The following PMPCB variants were observed in gnomAD, a reference collection of about 807,000 sequenced individuals.
The protein encoded by PMPCB is peptidase, mitochondrial processing subunit beta, also known as mitochondrial-processing peptidase subunit beta.
PMPCB carries 46 observed loss-of-function variants against 61.5 expected under a neutral mutation model. That is an observed-to-expected ratio of 0.75 (90% CI 0.59 to 0.96). The LOEUF (loss-of-function observed/expected upper bound fraction) is 0.96, where lower values mean the gene tolerates loss of function less well. PMPCB is among the 40% of genes least tolerant of loss of function. The pLI, the probability that PMPCB is intolerant of heterozygous loss-of-function variation, is 0.00. For missense variants in PMPCB, 590 were observed against 602.4 expected, an observed-to-expected ratio of 0.98 and a Z score of 0.22; for synonymous variants, 191 against 201.6, an observed-to-expected ratio of 0.95 and a Z score of 0.44.
chr7:103,319,634 A>G, downstream of PMPCB: 1 of 1,614,080 alleles, frequency 6.2e-7, no homozygotes, highest in Non-Finnish European at 8.5e-7. Context: ...AGCCTTTCCT[A>G]CTTCTTTTGT....
At chr7:103,337,069 C>G in the PMPCB span, 1 of 152,192 alleles carries the variant, frequency 6.6e-6, no homozygotes, top group African/African-American at 2.4e-5. Context: ...AGAACATTCT[C>G]CTAAGATAGA....
rs921733615 is a variant in PMPCB, at chr7:103,312,279, C to A, written c.*8C>A. On this transcript the variant is annotated 3_prime_UTR_variant, in exon 13 of 13. Transcript: ENST00000249269. ...TGTTGGCTTCGTGATTAAAATGCTC[C>A]TAATCAAGATTGTTTGAACACATGT... The A allele has an allele frequency of 6.2e-6, 10 of 1,608,994 alleles. No homozygotes were observed. The African/African-American group carries it at 1.3e-4, about 21-fold the overall frequency.
chr7:103,313,465 A>G lies in PMPCB; in HGVS notation c.*1194A>G. The G allele has an allele frequency of 2.0e-6, 2 of 985,110 alleles. No individual in the cohort carries two copies. Among genetic ancestry groups the G allele is most frequent in the Non-Finnish European group, 2.4e-6 (2 of 829,654 alleles). The allele number at this position is 985,110 out of a possible 1,614,324, so 61.0% of individuals were successfully genotyped here. A position where few individuals can be genotyped will look rare whatever the true frequency, so the allele number is the denominator to read the frequency against. Reference sequence around the variant, plus strand: ...AAAAACACAACCACAATTCATTAAGAGTTCTGATAAATCTACTTCCTTACA... The same window carrying G: ...AAAAACACAACCACAATTCATTAAGGGTTCTGATAAATCTACTTCCTTACA... On this transcript the variant is annotated 3_prime_UTR_variant, in exon 13 of 13. Coordinates refer to ENST00000249269, the MANE Select transcript of PMPCB (RefSeq NM_004279.3).
intron 12 of PMPCB, chr7:103,324,565 G>T: frequency 6.9e-7 from 1 of 1,456,144 alleles, no homozygotes; most frequent in Non-Finnish European, 9.2e-7. Flanking sequence ...TTGACCATCT[G>T]AAATATCAAA....
At chr7:103,302,491 G>A (rs1817476738) in intron 4 of PMPCB, among the ~76,000 whole-genome samples, 1 of 152,154 alleles carries the variant, frequency 6.6e-6, no homozygotes, top group South Asian at 2.1e-4. Flanking sequence ...TTTTCACACA[G>A]GAATTCTTGT....
At chr7:103,347,136 T>G in the PMPCB span, among the ~76,000 whole-genome samples, 9,792 of 152,268 alleles carry the variant, frequency 0.064, 388 homozygotes, top group South Asian at 0.13. Context: ...TGCACCAGGA[T>G]TCCATTTTAT....
intron 3 of PMPCB, 47 bp from the exon 4 acceptor site, chr7:103,300,131 A>C: frequency 6.5e-7 from 1 of 1,538,208 alleles, no homozygotes; most frequent in Non-Finnish European, 8.9e-7. Context: ...GAATAGATGA[A>C]GTATAAAGGG....
At chr7:103,320,637 G>A (rs936864397) in intron 12 of PMPCB, among the ~76,000 whole-genome samples, 8 of 150,826 alleles carry the variant, frequency 5.3e-5, no homozygotes, top group Non-Finnish European at 7.4e-5. Flanking sequence ...CCAGCTACTC[G>A]GGAGGCTGAG....
intron 12 of PMPCB, among the ~76,000 whole-genome samples, chr7:103,320,255 A>G (rs1406863373): frequency 1.3e-5 from 2 of 151,532 alleles, no homozygotes; most frequent in Non-Finnish European, 2.9e-5. Flanking sequence ...CACCTGGCTA[A>G]TTTTTTCTAT....
chr7:103,341,575 G>T, the PMPCB span, among the ~76,000 whole-genome samples: 3 of 152,160 alleles, frequency 2.0e-5, no homozygotes, highest in African/African-American at 7.2e-5. Context: ...ACTCTTCCTG[G>T]ATTTCTCCAG....
Position 103,312,864 on chromosome 7 carries a change from C to T in PMPCB, c.*593C>T. The T allele has an allele frequency of 7.1e-6, 11 of 1,541,656 alleles. No individual in the cohort carries two copies. The highest frequency in any genetic ancestry group is 9.6e-6 in the Non-Finnish European group (11 of 1,151,076). ...TTGAAATAAGCACTATATTATTAAC[C>T]ACTTAATAGACATAAAATATGAGCT... On this transcript the variant is annotated 3_prime_UTR_variant, in exon 13 of 13. Coordinates refer to ENST00000249269, the MANE Select transcript of PMPCB (RefSeq NM_004279.3).
chr7:103,329,612 T>TTCTC (rs1267999573), downstream of PMPCB: 1 of 152,176 alleles, frequency 6.6e-6, no homozygotes, highest in African/African-American at 2.4e-5. Context: ...GTCAAGAAAG[T>TTCTC]ATCTAAACTT....
At chr7:103,305,647 A>G (rs1237371569) in intron 6 of PMPCB, among the ~76,000 whole-genome samples, 1 of 152,236 alleles carries the variant, frequency 6.6e-6, no homozygotes, top group East Asian at 1.9e-4. Flanking sequence ...TAGAGATCAT[A>G]ATTTAAAAAT....
intron 12 of PMPCB, among the ~76,000 whole-genome samples, chr7:103,321,413 G>A (rs1258175086): frequency 6.6e-6 from 1 of 151,936 alleles, no homozygotes; most frequent in Non-Finnish European, 1.5e-5. Flanking sequence ...ATCTACTCAG[G>A]AGGCTGAGGC....
chr7:103,298,951 T>A (rs957867706), intron 2 of PMPCB, among the ~76,000 whole-genome samples: 1 of 152,230 alleles, frequency 6.6e-6, no homozygotes, highest in African/African-American at 2.4e-5. Context: ...TTATTTTCAG[T>A]AGTATTGATA....
downstream of PMPCB, chr7:103,319,631 C>A (rs770053453): frequency 6.2e-7 from 1 of 1,613,996 alleles, no homozygotes; most frequent in African/African-American, 1.3e-5. Flanking sequence ...AGCAGCCTTT[C>A]CTACTTCTTT....
the PMPCB span, among the ~76,000 whole-genome samples, chr7:103,342,385 C>T: frequency 1.4e-4 from 21 of 151,486 alleles, no homozygotes; most frequent in Non-Finnish European, 2.4e-4. Context: ...GGCTCAATGC[C>T]GTCTCCACCT....
At chr7:103,299,059 C>A (rs935592285) in intron 2 of PMPCB, among the ~76,000 whole-genome samples, 9 of 152,156 alleles carry the variant, frequency 5.9e-5, no homozygotes, top group African/African-American at 2.2e-4. Context: ...CATCCTCACA[C>A]CTGTTTTATA....
At chr7:103,332,229 T>C (rs1484342653), downstream of PMPCB, among the ~76,000 whole-genome samples, 2 of 152,138 alleles carry the variant, frequency 1.3e-5, no homozygotes, top group African/African-American at 4.8e-5. Flanking sequence ...ATGGTCTCGA[T>C]CTCCTGACCT....
Sources: gnomAD v4.1 joint callset for allele counts (sites outside exome capture counted in the v4.1 genomes callset) on GRCh38, gnomAD v4.1.1 for gene constraint, MANE v1.5 for transcripts, NCBI Gene and HGNC (gene_info 2026-07-23, HGNC 2026-07-21) for gene names.